The following HOOK1 variants were observed in gnomAD, a reference collection of about 807,000 sequenced individuals.
HOOK1 encodes hook microtubule tethering protein 1.
Under a neutral mutation model 112.8 loss-of-function variants are expected in HOOK1, and 60 were observed. That is an observed-to-expected ratio of 0.53 (90% CI 0.43 to 0.66). The LOEUF (loss-of-function observed/expected upper bound fraction) is 0.66, where lower values mean the gene tolerates loss of function less well. Among genes scored for constraint, HOOK1 ranks in the 30% least tolerant of loss-of-function variants. The pLI, the probability that HOOK1 is intolerant of heterozygous loss-of-function variation, is 0.00. For missense variants in HOOK1, 770 were observed against 856.0 expected, an observed-to-expected ratio of 0.90 and a Z score of 1.25; for synonymous variants, 294 against 283.8, an observed-to-expected ratio of 1.04 and a Z score of -0.36.
At chr1:59,860,744 T>G (rs1240108838) in intron 15 of HOOK1, among the ~76,000 whole-genome samples, 1 of 151,366 alleles carries the variant, frequency 6.6e-6, no homozygotes, top group Non-Finnish European at 1.5e-5. Context: ...ACCACCATGC[T>G]TGGATAGTTT....
At chr1:59,831,425 G>A (rs1197054595) in intron 3 of HOOK1, among the ~76,000 whole-genome samples, 1 of 152,066 alleles carries the variant, frequency 6.6e-6, no homozygotes, top group Non-Finnish European at 1.5e-5. Flanking sequence ...TATAATCTTT[G>A]GGAATGGTTC....
intron 5 of HOOK1, 31 bp downstream of exon 5, chr1:59,833,568 T>C: frequency 6.7e-7 from 1 of 1,499,226 alleles, no homozygotes; most frequent in South Asian, 1.4e-5. Flanking sequence ...TGAGGATTTC[T>C]ACTTTCTAGA....
intron 6 of HOOK1, 67 bp downstream of exon 6, chr1:59,835,479 T>C: frequency 1.1e-6 from 1 of 885,488 alleles, no homozygotes; most frequent in African/African-American, 1.7e-5. Flanking sequence ...TTTTCATACT[T>C]TATGCTTTTC....
At chr1:59,847,001 C>T in intron 9 of HOOK1, 44 bp from the exon 10 acceptor site, 1 of 1,495,054 alleles carries the variant, frequency 6.7e-7, no homozygotes. Flanking sequence ...ATAATTATAA[C>T]AAATCATGGA....
chr1:59,826,964 C>T (rs771001949), intron 2 of HOOK1, among the ~76,000 whole-genome samples: 7 of 152,036 alleles, frequency 4.6e-5, no homozygotes, highest in Non-Finnish European at 8.8e-5. Context: ...CGGGCTTCTC[C>T]GTGTTGGTCA....
intron 12 of HOOK1, among the ~76,000 whole-genome samples, chr1:59,851,606 T>C (rs1336492338): frequency 6.6e-6 from 1 of 151,618 alleles, no homozygotes; most frequent in Non-Finnish European, 1.5e-5. Flanking sequence ...CCTCTGCAAA[T>C]AGAATTGATT....
intron 12 of HOOK1, among the ~76,000 whole-genome samples, chr1:59,852,865 C>T (rs2098407977): frequency 6.6e-6 from 1 of 151,536 alleles, no homozygotes; most frequent in African/African-American, 2.4e-5. Context: ...ATTATTTTCC[C>T]TTATGATTTC....
chr1:59,871,555 T>C (rs1644055512), intron 21 of HOOK1, among the ~76,000 whole-genome samples: 1 of 152,180 alleles, frequency 6.6e-6, no homozygotes, highest in Non-Finnish European at 1.5e-5. Flanking sequence ...TTTATTACTT[T>C]ATTTTTTTTA....
At chr1:59,817,331 C>T (rs1000668109) in intron 1 of HOOK1, among the ~76,000 whole-genome samples, 1 of 152,322 alleles carries the variant, frequency 6.6e-6, no homozygotes, top group Admixed American at 6.5e-5. Context: ...AAGACTTTCA[C>T]TTCATTACCA....
intron 1 of HOOK1, among the ~76,000 whole-genome samples, chr1:59,817,554 C>G (rs1255135426): frequency 6.6e-6 from 1 of 152,108 alleles, no homozygotes; most frequent in Non-Finnish European, 1.5e-5. Flanking sequence ...CTCACCTACC[C>G]AACTTTCTCC....
chr1:59,827,040 C>T (rs2098390492), intron 2 of HOOK1, among the ~76,000 whole-genome samples: 1 of 152,154 alleles, frequency 6.6e-6, no homozygotes, highest in Non-Finnish European at 1.5e-5. Flanking sequence ...GCTGGGATTA[C>T]AGGCATGAGC....
At chr1:59,864,305 T>TA (rs1643918807) in intron 16 of HOOK1, among the ~76,000 whole-genome samples, 1 of 152,022 alleles carries the variant, frequency 6.6e-6, no homozygotes, top group South Asian at 2.1e-4. Flanking sequence ...TAATGTTTGA[T>TA]ACTCCTCAGT....
chr1:59,841,705 G>C (rs1311880372), intron 8 of HOOK1, among the ~76,000 whole-genome samples: 1 of 151,992 alleles, frequency 6.6e-6, no homozygotes, highest in Non-Finnish European at 1.5e-5. Flanking sequence ...GAGCCATTCA[G>C]GTATTACCAT....
At chr1:59,866,539 C>G (rs1468307730) in intron 19 of HOOK1, among the ~76,000 whole-genome samples, 3 of 152,090 alleles carry the variant, frequency 2.0e-5, no homozygotes, top group African/African-American at 7.2e-5. Context: ...CATTCAGAGT[C>G]CTAAGCTGAC....
intron 20 of HOOK1, 144 bp from the exon 21 acceptor site, chr1:59,870,898 T>G (rs1574230171): frequency 1.7e-6 from 1 of 595,846 alleles, no homozygotes; most frequent in East Asian, 2.9e-5. Flanking sequence ...TGTGCTTGAT[T>G]CAGTTTACAT....
chr1:59,830,536 T>A (rs936676380), intron 3 of HOOK1, among the ~76,000 whole-genome samples: 1 of 152,166 alleles, frequency 6.6e-6, no homozygotes, highest in East Asian at 1.9e-4. Context: ...ATATTTTTCA[T>A]TAGTATTTCT....
At chr1:59,842,111 C>T (rs879842812) in intron 8 of HOOK1, among the ~76,000 whole-genome samples, 16 of 152,046 alleles carry the variant, frequency 1.1e-4, no homozygotes, top group Admixed American at 3.3e-4. Flanking sequence ...TGGTCCTATT[C>T]GTTTTTAGAG....
At chr1:59,834,321 G>A (rs899643481) in intron 5 of HOOK1, among the ~76,000 whole-genome samples, 1 of 152,032 alleles carries the variant, frequency 6.6e-6, no homozygotes, top group African/African-American at 2.4e-5. Context: ...AATGAAGAAA[G>A]GATATAAGCT....
intron 12 of HOOK1, among the ~76,000 whole-genome samples, chr1:59,850,516 A>T (rs1483253811): frequency 6.6e-6 from 1 of 151,432 alleles, no homozygotes; most frequent in Non-Finnish European, 1.5e-5. Flanking sequence ...TCATATATTT[A>T]GTCTGTGATC....
Sources: gnomAD v4.1 joint callset for allele counts (sites outside exome capture counted in the v4.1 genomes callset) on GRCh38, gnomAD v4.1.1 for gene constraint, MANE v1.5 for transcripts, NCBI Gene and HGNC (gene_info 2026-07-23, HGNC 2026-07-21) for gene names.